Variants in SNX27 observed in about 807,000 individuals in gnomAD.
SNX27 encodes the protein sorting nexin-27.
Under a neutral mutation model 71.6 loss-of-function variants are expected in SNX27, and 22 were observed. That is an observed-to-expected ratio of 0.31 (90% CI 0.22 to 0.44). The LOEUF (loss-of-function observed/expected upper bound fraction) is 0.44, where lower values mean the gene tolerates loss of function less well. Ranked by LOEUF, SNX27 falls within the 20% of genes least tolerant of loss-of-function variation. SNX27 has a pLI of 1.00. For synonymous variants in SNX27, 269 were observed against 277.2 expected, an observed-to-expected ratio of 0.97 and a Z score of 0.29; for missense variants, 531 against 698.6, an observed-to-expected ratio of 0.76 and a Z score of 2.70.
intron 1 of SNX27, among the ~76,000 whole-genome samples, chr1:151,624,712 A>G (rs750816335): frequency 1.3e-5 from 2 of 152,024 alleles, no homozygotes; most frequent in Non-Finnish European, 2.9e-5. Flanking sequence ...GATTACAGAC[A>G]TGAGCCACCA....
intron 1 of SNX27, chr1:151,615,568 T>G (rs978408685): frequency 1.1e-5 from 4 of 359,404 alleles, no homozygotes; most frequent in African/African-American, 8.9e-5. Context: ...GTTCTTAAAG[T>G]TTACCTCTGT....
chr1:151,696,669 T>TTTTA lies in SNX27; in HGVS notation c.*2252_*2253insTTTA. The TTTTA allele has an allele frequency of 8.5e-6, 1 of 117,390 alleles. No homozygotes were observed. Among genetic ancestry groups the TTTTA allele is most frequent in the East Asian group, 4.4e-4 (1 of 2,250 alleles). 7.3% of individuals were successfully genotyped at this position (117,390 alleles called of 1,614,324 possible). On this transcript the variant is annotated 3_prime_UTR_variant, in exon 12 of 12. Transcript: ENST00000458013. ...TTTTTCTGTTTTTTTTTTTTTTTTT[T>TTTTA]CCCAGAGTCTTGCTCTGTCGCCCAG...
Position 151,660,843 on chromosome 1 carries a change from T to G in SNX27, c.782T>G (p.Phe261Cys). 6.2e-7 allele frequency: 1 copy of G among 1,612,334 alleles called. No individual in the cohort carries two copies. Among genetic ancestry groups the G allele is most frequent in the East Asian group, 2.2e-5 (1 of 44,790 alleles). ...GGTGAGAGTGACATCATGCAGGAAT[T>G]CCTATCAGAATCCGATGAGGTAGGT... ...VIGESDIMQE[F>C]LSESDENYNG... Residue 261 changes from phenylalanine (F) to cysteine (C), a missense_variant, in exon 4 of 12, where the codon TTC (phenylalanine) becomes TGC (cysteine). This residue lies in a region of SNX27 where 184 missense variants were observed against 289.6 expected (regional missense o/e 0.64). Transcript: ENST00000458013.
intron 1 of SNX27, among the ~76,000 whole-genome samples, chr1:151,614,998 C>T (rs1558030473): frequency 6.6e-6 from 1 of 152,142 alleles, no homozygotes; most frequent in Admixed American, 6.6e-5. Flanking sequence ...CAGATAATCC[C>T]CTAGGAAAGG....
intron 1 of SNX27, among the ~76,000 whole-genome samples, chr1:151,624,127 T>A (rs1667807472): frequency 6.6e-6 from 1 of 151,914 alleles, no homozygotes; most frequent in African/African-American, 2.4e-5. Flanking sequence ...CATACACAGC[T>A]CATTTTTAAA....
At chr1:151,694,276 A>T in intron 11 of SNX27, 94 bp from the exon 12 acceptor site, 1 of 1,529,610 alleles carries the variant, frequency 6.5e-7, no homozygotes, top group East Asian at 2.5e-5. Flanking sequence ...AGATTGAGTC[A>T]TCCAGGCATA....
intron 2 of SNX27, among the ~76,000 whole-genome samples, chr1:151,653,645 G>A (rs1669538082): frequency 6.6e-6 from 1 of 152,080 alleles, no homozygotes; most frequent in Admixed American, 6.5e-5. Flanking sequence ...AGCCTACCAA[G>A]TAGCTGGGAC....
chr1:151,617,434 A>T (rs950124454), intron 1 of SNX27, among the ~76,000 whole-genome samples: 2 of 151,902 alleles, frequency 1.3e-5, no homozygotes, highest in African/African-American at 2.4e-5. Flanking sequence ...ATGTGCCACC[A>T]CGCCCATCTA....
At chr1:151,657,771 TG>T (rs1669763797) in intron 2 of SNX27, among the ~76,000 whole-genome samples, 1 of 151,976 alleles carries the variant, frequency 6.6e-6, no homozygotes, top group Non-Finnish European at 1.5e-5. Flanking sequence ...TGGTTCAAGG[TG>T]GGTGGATCAC....
chr1:151,678,527 T>C (rs751347520), intron 7 of SNX27: 3 of 152,196 alleles, frequency 2.0e-5, no homozygotes, highest in Non-Finnish European at 4.4e-5. Context: ...GTTTCTTTCA[T>C]TTCTTGGTTA....
Position 151,639,023 on chromosome 1 carries a change from G to A in SNX27, c.447G>A (p.Ser149=), listed in dbSNP as rs764587770. The A allele has an allele frequency of 6.1e-5, 98 of 1,614,018 alleles. No individual in the cohort carries two copies. The highest frequency in any genetic ancestry group is 7.6e-5 in the Non-Finnish European group (90 of 1,180,042). Residue 149 remains serine, a synonymous_variant, in exon 2 of 12, where the codon TCG becomes TCA. Coordinates refer to ENST00000458013, the MANE Select transcript of SNX27 (RefSeq NM_001330723.2). ...ATAACCTAGATCCCAGTGACGACTC[G>A]TTGGGACAATCATTTTATGATTACA... The part of the protein sequence containing the change: ...EADNLDPSDD[S]LGQSFYDYTE...
At chr1:151,657,911 G>A (rs1669772651) in intron 2 of SNX27, among the ~76,000 whole-genome samples, 2 of 152,074 alleles carry the variant, frequency 1.3e-5, no homozygotes, top group Non-Finnish European at 2.9e-5. Flanking sequence ...TGAGGCAGGA[G>A]AATTGCTTGA....
intron 7 of SNX27, chr1:151,680,509 A>G (rs1242592988): frequency 6.6e-6 from 1 of 152,166 alleles, no homozygotes; most frequent in Non-Finnish European, 1.5e-5. Flanking sequence ...CCCCATGTGT[A>G]AAAGAGCTCA....
chr1:151,616,035 C>CT lies in SNX27; in HGVS notation c.311+3524dup, dbSNP rs1422450783. Among the ~76,000 whole-genome samples the CT allele has an allele frequency of 4.6e-5, 7 of 152,198 alleles. No individual in the cohort carries two copies. In the East Asian group the frequency reaches 1.3e-3, roughly 29 times the overall value. Reference sequence around the variant, plus strand: ...GCAGTATGAACAAGCCCTCTGGGCTCTAAATTTTACTGCAGATGGAAAGTT... The same window carrying CT: ...GCAGTATGAACAAGCCCTCTGGGCTCTTAAATTTTACTGCAGATGGAAAGTT... On this transcript the variant is annotated intron_variant, in intron 1 of 11. Transcript: ENST00000458013.
intron 11 of SNX27, 191 bp from the exon 12 acceptor site, chr1:151,694,179 C>T (rs1671593841): frequency 7.4e-7 from 1 of 1,354,342 alleles, no homozygotes; most frequent in Non-Finnish European, 9.5e-7. Context: ...GAAGACTGAA[C>T]CACGTAATTA....
chr1:151,673,353 A>G (rs375559095), intron 7 of SNX27, among the ~76,000 whole-genome samples: 3 of 152,222 alleles, frequency 2.0e-5, no homozygotes, highest in East Asian at 3.9e-4. Context: ...CACTATGGTC[A>G]GATACTTGAT....
chr1:151,659,246 G>T (rs1474454925), intron 3 of SNX27, among the ~76,000 whole-genome samples: 2 of 151,478 alleles, frequency 1.3e-5, no homozygotes, highest in Non-Finnish European at 3.0e-5. Context: ...TTTTTGTTTT[G>T]TTTTGTTTTG....
intron 5 of SNX27, among the ~76,000 whole-genome samples, chr1:151,664,203 A>ATT (rs545271022): frequency 0.034 from 566 of 16,662 alleles, 6 homozygotes; most frequent in Middle Eastern, 0.11. Context: ...ATATACAAAT[A>ATT]ATATATATTT....
intron 11 of SNX27, 164 bp from the exon 12 acceptor site, chr1:151,694,206 C>T: frequency 1.4e-6 from 2 of 1,380,368 alleles, no homozygotes; most frequent in Non-Finnish European, 1.9e-6. Context: ...AAGGTCCCTT[C>T]CGGCTCTAAA....
Sources: allele counts gnomAD v4.1 joint callset (sites outside exome capture counted in the v4.1 genomes callset), GRCh38; gene constraint gnomAD v4.1.1; regional missense constraint gnomAD v4.1.1; transcripts MANE v1.5; gene names NCBI Gene and HGNC (gene_info 2026-07-23, HGNC 2026-07-21).